The following VSTM5 variants were observed in gnomAD, a reference collection of about 807,000 sequenced individuals.
VSTM5 encodes the protein V-set and transmembrane domain-containing protein 5.
In VSTM5, 21 loss-of-function variants were observed where a neutral mutation model predicts 20.3. The ratio of observed to expected loss-of-function variants is 1.03; its 90% CI spans 0.73 to 1.49. VSTM5 has a LOEUF of 1.49. VSTM5 is among the 40% of genes most tolerant of loss of function. The pLI is 0.00. For missense variants in VSTM5, 219 were observed against 250.0 expected, an observed-to-expected ratio of 0.88 and a Z score of 0.84; for synonymous variants, 100 against 102.5, an observed-to-expected ratio of 0.98 and a Z score of 0.14.
intron 1 of VSTM5, among the ~76,000 whole-genome samples, chr11:93,822,234 A>G (rs1591396140): frequency 1.3e-5 from 2 of 152,092 alleles, no homozygotes; most frequent in African/African-American, 4.8e-5. Context: ...GGTGCCCGCC[A>G]CCACACCTGG....
chr11:93,846,451 T>G (rs891199825), intron 1 of VSTM5, among the ~76,000 whole-genome samples: 2 of 152,174 alleles, frequency 1.3e-5, no homozygotes, highest in Non-Finnish European at 2.9e-5. Context: ...GGGGAGGAAG[T>G]GTGTGTGCAG....
chr11:93,841,308 C>A (rs1944368327), intron 1 of VSTM5, among the ~76,000 whole-genome samples: 1 of 152,232 alleles, frequency 6.6e-6, no homozygotes, highest in African/African-American at 2.4e-5. Context: ...CTGCCCCCAC[C>A]CTGCAGAGTG....
chr11:93,846,779 T>G (rs1042134549), intron 1 of VSTM5, among the ~76,000 whole-genome samples: 12 of 140,696 alleles, frequency 8.5e-5, no homozygotes, highest in Non-Finnish European at 1.5e-4. Context: ...TTTTTTTTTT[T>G]TTTTTTGAGA....
chr11:93,839,377 A>G (rs1467427628), intron 1 of VSTM5, among the ~76,000 whole-genome samples: 1 of 152,178 alleles, frequency 6.6e-6, no homozygotes, highest in Admixed American at 6.5e-5. Context: ...AGGTCTAGGG[A>G]GAGGCCTGGC....
intron 1 of VSTM5, among the ~76,000 whole-genome samples, chr11:93,832,352 A>C (rs949767010): frequency 1.3e-5 from 2 of 152,244 alleles, no homozygotes; most frequent in Non-Finnish European, 2.9e-5. Context: ...ATGTGTATAC[A>C]CACACAGTCA....
Position 93,822,717 on chromosome 11 carries a change from T to C in VSTM5, c.92-1394A>G, listed in dbSNP as rs534313164. ...GTTGGCCAGGCTGGTCTTGAACTCC[T>C]GGCCTCAATTGATCTGCCTTCTCGG... On this transcript the variant is annotated intron_variant, in intron 1 of 3. Coordinates refer to ENST00000409977, the MANE Select transcript of VSTM5 (RefSeq NM_001144871.2). Among the ~76,000 whole-genome samples, 20 of 152,092 alleles carry C rather than the reference T, an allele frequency of 1.3e-4. No individual in the cohort carries two copies. The East Asian group carries it at 3.9e-3, about 30-fold the overall frequency.
rs371152557 is a variant in VSTM5, at chr11:93,821,051, C to T, written c.364G>A (p.Val122Met). 17 of 1,551,548 alleles carry T rather than the reference C, an allele frequency of 1.1e-5. No individual in the cohort carries two copies. Among genetic ancestry groups the T allele is most frequent in the African/African-American group, 1.4e-5 (1 of 73,010 alleles). ...VRDSGYYVIT[V>M]TERLGSSQFG... ...TGGCTGCTCCCCAGGCGCTCCGTCA[C>T]GGTGATGACATAGTAGCCGGAATCC... Residue 122 changes from valine (V) to methionine (M), a missense_variant, in exon 2 of 4, where the codon GTG becomes ATG. By Grantham distance (21) the Val-to-Met change is conservative (BLOSUM62 1). Coordinates refer to ENST00000409977, the MANE Select transcript of VSTM5 (RefSeq NM_001144871.2).
chr11:93,834,382 C>G (rs1286374816), intron 1 of VSTM5, among the ~76,000 whole-genome samples: 2 of 152,178 alleles, frequency 1.3e-5, no homozygotes, highest in African/African-American at 4.8e-5. Flanking sequence ...CACTCACCAG[C>G]TGTTTTTCCC....
chr11:93,830,606 C>G (rs879616757), intron 1 of VSTM5, among the ~76,000 whole-genome samples: 1 of 152,182 alleles, frequency 6.6e-6, no homozygotes, highest in Non-Finnish European at 1.5e-5. Context: ...TGTTGCCAAC[C>G]AGGAGAGAGC....
At chr11:93,826,966 T>G (rs931671421) in intron 1 of VSTM5, among the ~76,000 whole-genome samples, 2 of 152,236 alleles carry the variant, frequency 1.3e-5, no homozygotes, top group African/African-American at 2.4e-5. Flanking sequence ...TAAATCTTCT[T>G]GAATTTGTTA....
chr11:93,839,636 G>A (rs1409843762), intron 1 of VSTM5, among the ~76,000 whole-genome samples: 2 of 152,162 alleles, frequency 1.3e-5, no homozygotes, highest in Non-Finnish European at 2.9e-5. Context: ...TGGGGCAGTG[G>A]CGTGATCAGG....
intron 1 of VSTM5, among the ~76,000 whole-genome samples, chr11:93,846,928 G>C (rs571317999): frequency 1.3e-5 from 2 of 151,660 alleles, no homozygotes; most frequent in Non-Finnish European, 2.9e-5. Flanking sequence ...CACCACGCCC[G>C]GCTAATTTTT....
intron 1 of VSTM5, among the ~76,000 whole-genome samples, chr11:93,835,047 CTA>C (rs1401917057): frequency 6.6e-6 from 1 of 152,140 alleles, no homozygotes; most frequent in Admixed American, 6.6e-5. Context: ...ACTCAGGACT[CTA>C]TAGAGAGGTC....
intron 1 of VSTM5, among the ~76,000 whole-genome samples, chr11:93,823,204 C>T (rs202046152): frequency 6.7e-6 from 1 of 148,658 alleles, no homozygotes; most frequent in African/African-American, 2.5e-5. Flanking sequence ...TTTTCCTTTT[C>T]TTTTTTTTTT....
intron 1 of VSTM5, among the ~76,000 whole-genome samples, chr11:93,846,884 A>G (rs1256625473): frequency 1.3e-5 from 2 of 150,300 alleles, no homozygotes; most frequent in Admixed American, 6.7e-5. Context: ...CTCCTGCCTC[A>G]GCCTCCCAAG....
At chr11:93,828,516 T>C (rs1251499087) in intron 1 of VSTM5, among the ~76,000 whole-genome samples, 1 of 152,182 alleles carries the variant, frequency 6.6e-6, no homozygotes, top group Non-Finnish European at 1.5e-5. Flanking sequence ...TTTCTTGAAA[T>C]CACAACAAAG....
At position 93,850,481 on chromosome 11, in the gene VSTM5, T is replaced by A. The variant is rs551603844; in HGVS notation, c.22A>T (p.Arg8Trp). Reference sequence around the variant, plus strand: ...AGGGAGATGCCTCGGGTCTTCCTCCTCCCGCTGGGCAGAGGCCTCATGGGC... The same window carrying A: ...AGGGAGATGCCTCGGGTCTTCCTCCACCCGCTGGGCAGAGGCCTCATGGGC... The part of the protein sequence containing the change: MRPLPSG[R>W]RKTRGISLGL... Residue 8 changes from arginine to tryptophan, a missense_variant, in exon 1 of 4, where the codon AGG (arginine) becomes TGG (tryptophan). Physicochemically the swap from Arg to Trp is moderately radical, Grantham distance 101. Transcript: ENST00000409977. 4 of 1,549,324 alleles carry A rather than the reference T, an allele frequency of 2.6e-6. No individual in the cohort carries two copies. The South Asian group carries it at 3.6e-5, about 14-fold the overall frequency.
At chr11:93,824,520 GTTGT>G (rs571783977) in intron 1 of VSTM5, among the ~76,000 whole-genome samples, 5 of 152,042 alleles carry the variant, frequency 3.3e-5, no homozygotes, top group African/African-American at 4.8e-5. Context: ...CTTTTTTGTT[GTTGT>G]TTGTTTTTTG....
At position 93,820,800 on chromosome 11, in the gene VSTM5, A is replaced by G. The variant is rs1249938300; in HGVS notation, c.502T>C (p.Trp168Arg). 22 of 1,551,334 alleles carry G rather than the reference A, an allele frequency of 1.4e-5. No individual in the cohort carries two copies. Among genetic ancestry groups the G allele is most frequent in the Non-Finnish European group, 1.8e-5 (21 of 1,147,012 alleles). Residue 168 changes from tryptophan (W) to arginine (R), a missense_variant, in exon 3 of 4, where the codon TGG (tryptophan) becomes CGG (arginine). By Grantham distance (101) the Trp-to-Arg change is moderately radical. Coordinates refer to ENST00000409977, the MANE Select transcript of VSTM5 (RefSeq NM_001144871.2). ...AVAAVLISLM[W>R]VCNKCAYKFQ... ...TTATATGCACACTTATTACAAACCC[A>G]CATGAGGCTGATTAATACTGCGGCC...
Sources: allele counts gnomAD v4.1 joint callset (sites outside exome capture counted in the v4.1 genomes callset), GRCh38; gene constraint gnomAD v4.1.1; transcripts MANE v1.5; gene names NCBI Gene and HGNC (gene_info 2026-07-23, HGNC 2026-07-21).